Variants in NKAIN2 observed in about 807,000 individuals in gnomAD.
The protein encoded by NKAIN2 is sodium/potassium transporting ATPase interacting 2, also known as sodium/potassium-transporting ATPase subunit beta-1-interacting protein 2.
NKAIN2 carries 14 observed loss-of-function variants against 32.6 expected under a neutral mutation model. The ratio of observed to expected loss-of-function variants is 0.43; its 90% CI spans 0.28 to 0.67. The LOEUF is 0.67. Ranked by LOEUF, NKAIN2 falls within the 30% of genes least tolerant of loss-of-function variation. The pLI is 0.17. For synonymous variants in NKAIN2, 80 were observed against 87.2 expected (o/e 0.92, Z 0.46); for missense variants, 198 against 258.3 (o/e 0.77, Z 1.60).
intron 1 of NKAIN2, among the ~76,000 whole-genome samples, chr6:124,092,187 A>G (rs925159112): frequency 4.6e-5 from 7 of 152,066 alleles, no homozygotes; most frequent in South Asian, 2.1e-4. Flanking sequence ...TGCACTGTCA[A>G]TCAATGCCTG....
chr6:123,923,415 T>A (rs538451261), intron 1 of NKAIN2, among the ~76,000 whole-genome samples: 1 of 152,154 alleles, frequency 6.6e-6, no homozygotes, highest in South Asian at 2.1e-4. Context: ...AAAGCCTTTG[T>A]TGCATTTCGC....
intron 1 of NKAIN2, among the ~76,000 whole-genome samples, chr6:124,004,795 G>A (rs537331060): frequency 2.0e-5 from 3 of 151,300 alleles, no homozygotes; most frequent in African/African-American, 7.3e-5. Context: ...AACCAACATG[G>A]CACATGTATA....
chr6:124,338,283 G>T (rs1797965416), intron 2 of NKAIN2, among the ~76,000 whole-genome samples: 1 of 151,982 alleles, frequency 6.6e-6, no homozygotes, highest in African/African-American at 2.4e-5. Context: ...AAGAATATTT[G>T]GTATGAAAAC....
chr6:123,884,664 AT>A (rs1377103135), intron 1 of NKAIN2, among the ~76,000 whole-genome samples: 1 of 152,054 alleles, frequency 6.6e-6, no homozygotes, highest in Non-Finnish European at 1.5e-5. Context: ...TTGTTTAGAT[AT>A]TTTTTAGGTT....
intron 1 of NKAIN2, among the ~76,000 whole-genome samples, chr6:124,162,883 T>G (rs2114458200): frequency 6.6e-6 from 1 of 152,240 alleles, no homozygotes; most frequent in East Asian, 1.9e-4. Context: ...GGCAAAGTTC[T>G]AATGCATGTG....
intron 1 of NKAIN2, among the ~76,000 whole-genome samples, chr6:124,229,533 T>TAGATAGATAGATAGACAGACAGACAGAC (rs1298590453): frequency 1.4e-4 from 21 of 149,170 alleles, no homozygotes; most frequent in African/African-American, 5.3e-4. Flanking sequence ...GATAGATAGA[T>TAGATAGATAGATAGACAGACAGACAGAC]AGACAGACAG....
chr6:124,425,691 G>A (rs1774952935), intron 3 of NKAIN2, among the ~76,000 whole-genome samples: 1 of 152,036 alleles, frequency 6.6e-6, no homozygotes. Flanking sequence ...TGGTCAATAG[G>A]TATGTGAAAA....
intron 1 of NKAIN2, among the ~76,000 whole-genome samples, chr6:124,008,729 C>T (rs1465443577): frequency 6.6e-6 from 1 of 152,168 alleles, no homozygotes; most frequent in Non-Finnish European, 1.5e-5. Context: ...TCCTGTTTGT[C>T]ATCGTGATAA....
chr6:124,777,903 T>C lies in NKAIN2; in HGVS notation c.475-13436T>C, dbSNP rs181974764. Among the ~76,000 whole-genome samples, 7 of 152,174 alleles carry C rather than the reference T, an allele frequency of 4.6e-5. No homozygotes were observed. The East Asian group carries it at 9.7e-4, about 21-fold the overall frequency. On this transcript the variant is annotated intron_variant, in intron 4 of 6. Coordinates refer to ENST00000368417, the MANE Select transcript of NKAIN2 (RefSeq NM_001040214.3). ...TAAAAGACCACAAAAATCAGCAGAA[T>C]GTCATTTCTTACTCAGTATTTCTTG...
chr6:124,521,390 G>A (rs1261627129), intron 3 of NKAIN2, among the ~76,000 whole-genome samples: 1 of 152,124 alleles, frequency 6.6e-6, no homozygotes, highest in Non-Finnish European at 1.5e-5. Flanking sequence ...AACACTAATT[G>A]AGAAGATCAT....
At chr6:124,544,154 T>G (rs1478876312) in intron 3 of NKAIN2, among the ~76,000 whole-genome samples, 1 of 152,164 alleles carries the variant, frequency 6.6e-6, no homozygotes, top group Non-Finnish European at 1.5e-5. Context: ...TCAAGTGAAC[T>G]TTCTTGTGAG....
intron 1 of NKAIN2, among the ~76,000 whole-genome samples, chr6:124,050,449 T>C (rs1206020427): frequency 6.6e-6 from 1 of 152,036 alleles, no homozygotes; most frequent in Non-Finnish European, 1.5e-5. Context: ...TTACCTGCAT[T>C]GCTCCTCCCA....
intron 4 of NKAIN2, among the ~76,000 whole-genome samples, chr6:124,720,447 T>C (rs1389248609): frequency 6.6e-6 from 1 of 152,234 alleles, no homozygotes; most frequent in Non-Finnish European, 1.5e-5. Context: ...AAAAGATATT[T>C]GCACGATTTA....
chr6:123,815,094 T>C (rs796598550), intron 1 of NKAIN2, among the ~76,000 whole-genome samples: 37 of 152,286 alleles, frequency 2.4e-4, no homozygotes, highest in African/African-American at 8.2e-4. Flanking sequence ...TAGGATATGA[T>C]GTAACTGAAA....
At chr6:124,302,326 C>T (rs551194545) in intron 2 of NKAIN2, among the ~76,000 whole-genome samples, 21 of 152,322 alleles carry the variant, frequency 1.4e-4, no homozygotes, top group Middle Eastern at 6.8e-3. Context: ...TGAGAACAGA[C>T]TAATAGAGTA....
At chr6:124,242,248 C>T (rs755735470) in intron 1 of NKAIN2, among the ~76,000 whole-genome samples, 1 of 152,156 alleles carries the variant, frequency 6.6e-6, no homozygotes, top group Non-Finnish European at 1.5e-5. Flanking sequence ...TGAACAGACA[C>T]TTCTCAAAAG....
chr6:124,720,707 G>A (rs566600987), intron 4 of NKAIN2, among the ~76,000 whole-genome samples: 2 of 152,116 alleles, frequency 1.3e-5, no homozygotes, highest in East Asian at 1.9e-4. Flanking sequence ...AACCTGCATC[G>A]TGGGACTGGG....
intron 2 of NKAIN2, among the ~76,000 whole-genome samples, chr6:124,333,488 A>G (rs937658825): frequency 3.3e-5 from 5 of 151,790 alleles, no homozygotes; most frequent in African/African-American, 1.2e-4. Flanking sequence ...GATGAAAACC[A>G]ATCTCTACTA....
At chr6:124,527,410 T>C (rs1015211271) in intron 3 of NKAIN2, among the ~76,000 whole-genome samples, 10 of 152,212 alleles carry the variant, frequency 6.6e-5, no homozygotes, top group Non-Finnish European at 1.5e-4. Flanking sequence ...CAAAACACAC[T>C]ATACTTTTTC....
Sources: allele counts gnomAD v4.1 joint callset (sites outside exome capture counted in the v4.1 genomes callset), GRCh38; gene constraint gnomAD v4.1.1; transcripts MANE v1.5; gene names NCBI Gene and HGNC (gene_info 2026-07-23, HGNC 2026-07-21).